The following FHIT variants were observed in gnomAD, a reference collection of about 807,000 sequenced individuals.
FHIT encodes bis(5'-adenosyl)-triphosphatase.
A neutral mutation model predicts 17.9 loss-of-function variants in FHIT; 19 were observed. That is an observed-to-expected ratio of 1.06 (90% confidence interval 0.74 to 1.56). The LOEUF (loss-of-function observed/expected upper bound fraction) is 1.56. Among genes scored for constraint, FHIT ranks in the 40% most tolerant of loss-of-function variants. FHIT has a pLI of 0.00. For missense variants in FHIT, 248 were observed against 189.2 expected, an observed-to-expected ratio of 1.31 and a Z score of -1.82; for synonymous variants, 81 against 69.7, an observed-to-expected ratio of 1.16 and a Z score of -0.81.
intron 4 of FHIT, among the ~76,000 whole-genome samples, chr3:60,541,701 C>T (rs547787077): frequency 2.0e-5 from 3 of 152,278 alleles, no homozygotes; most frequent in East Asian, 1.9e-4. Flanking sequence ...GAAACAGCTA[C>T]GAGTTTTCCT....
Position 61,058,047 on chromosome 3 carries a change from T to A in FHIT, c.-163-15948A>T, listed in dbSNP as rs185119498. Among the ~76,000 whole-genome samples, 769 of 151,744 alleles carry A rather than the reference T, an allele frequency of 5.1e-3. 10 individuals are homozygous for A. The highest frequency in any genetic ancestry group is 0.017 in the African/African-American group (711 of 41,388). ...CTCTGAGACCTAGCAAGTTCTTTAA[T>A]ATCACAGAAAAAAAAAAGACAAAAC... On this transcript the variant is annotated intron_variant, in intron 2 of 9. Coordinates refer to ENST00000492590, the MANE Select transcript of FHIT (RefSeq NM_002012.4).
chr3:60,296,554 G>A (rs1459441392), intron 5 of FHIT, among the ~76,000 whole-genome samples: 1 of 151,974 alleles, frequency 6.6e-6, no homozygotes, highest in East Asian at 1.9e-4. Flanking sequence ...TTAGATAATA[G>A]CCCTGTTTTG....
At chr3:60,061,566 A>G (rs1702296838) in intron 5 of FHIT, among the ~76,000 whole-genome samples, 2 of 152,226 alleles carry the variant, frequency 1.3e-5, no homozygotes, top group Non-Finnish European at 1.5e-5. Context: ...TAATTATAGC[A>G]AATAAAATAT....
chr3:60,565,210 C>T (rs2037089564), intron 4 of FHIT, among the ~76,000 whole-genome samples: 1 of 152,070 alleles, frequency 6.6e-6, no homozygotes, highest in Admixed American at 6.6e-5. Context: ...CTTGTATATG[C>T]ATTGGGAAAC....
At chr3:61,177,051 C>T (rs1416087080) in intron 2 of FHIT, among the ~76,000 whole-genome samples, 1 of 152,070 alleles carries the variant, frequency 6.6e-6, no homozygotes, top group Non-Finnish European at 1.5e-5. Flanking sequence ...GCGGCGGGCG[C>T]CTGTAGTCCC....
chr3:60,361,802 A>C (rs989265223), intron 5 of FHIT, among the ~76,000 whole-genome samples: 1 of 152,192 alleles, frequency 6.6e-6, no homozygotes, highest in Admixed American at 6.5e-5. Context: ...CAAACACCAA[A>C]GGGCAATAGT....
intron 5 of FHIT, among the ~76,000 whole-genome samples, chr3:60,411,382 GA>G (rs1254818293): frequency 4.6e-5 from 7 of 151,982 alleles, no homozygotes; most frequent in Non-Finnish European, 1.0e-4. Context: ...TACTTGAGTA[GA>G]AAAATAATCC....
intron 5 of FHIT, among the ~76,000 whole-genome samples, chr3:60,187,072 G>T (rs536194265): frequency 1.3e-5 from 2 of 152,096 alleles, no homozygotes; most frequent in African/African-American, 4.8e-5. Context: ...CCAAGACAAG[G>T]TCAAAGCAAC....
intron 5 of FHIT, among the ~76,000 whole-genome samples, chr3:60,122,802 T>C (rs1421892143): frequency 6.6e-6 from 1 of 152,212 alleles, no homozygotes; most frequent in African/African-American, 2.4e-5. Context: ...GAAGAATAAA[T>C]GTTAGTTAAA....
intron 2 of FHIT, among the ~76,000 whole-genome samples, chr3:61,125,996 G>A (rs1349645848): frequency 6.6e-6 from 1 of 152,132 alleles, no homozygotes. Context: ...AGGGTATTAA[G>A]TAAGTGACCA....
At chr3:61,198,135 A>G (rs995913037) in intron 2 of FHIT, among the ~76,000 whole-genome samples, 11 of 152,180 alleles carry the variant, frequency 7.2e-5, no homozygotes, top group African/African-American at 1.9e-4. Context: ...TATACTATCA[A>G]TGAGGGTTCT....
At chr3:61,239,551 T>C (rs2040316579) in intron 1 of FHIT, among the ~76,000 whole-genome samples, 1 of 152,018 alleles carries the variant, frequency 6.6e-6, no homozygotes, top group African/African-American at 2.4e-5. Flanking sequence ...CCTCTTTCTA[T>C]CACAGTATCT....
At chr3:60,239,838 G>T (rs964351697) in intron 5 of FHIT, among the ~76,000 whole-genome samples, 3 of 152,042 alleles carry the variant, frequency 2.0e-5, no homozygotes, top group African/African-American at 7.2e-5. Context: ...ACCCAAGAAG[G>T]GAAGTCAAAT....
rs115237312 is a variant in FHIT at position 60,726,490 on chromosome 3, T to A, written c.-18+95429A>T. ...AGAGCAACTTGATCTTGGGAGTGTT[T>A]TCCCAGATGGGTAGTGGGCTGAGTC... is the stretch of plus-strand genomic sequence containing the variant. On this transcript the variant is annotated intron_variant, in intron 4 of 9. Transcript: ENST00000492590. 2.2e-3 allele frequency among the ~76,000 whole-genome samples: 339 copies of A among 152,290 alleles called. 1 individual carries two copies. Among genetic ancestry groups the A allele is most frequent in the African/African-American group, 7.8e-3 (325 of 41,568 alleles).
intron 2 of FHIT, among the ~76,000 whole-genome samples, chr3:61,077,368 T>A (rs2035001867): frequency 6.6e-6 from 1 of 151,874 alleles, no homozygotes; most frequent in South Asian, 2.1e-4. Context: ...TCAAGCATAC[T>A]TAGAGCACAG....
chr3:60,455,044 AAT>A (rs2032001491), intron 5 of FHIT, among the ~76,000 whole-genome samples: 1 of 152,096 alleles, frequency 6.6e-6, no homozygotes, highest in Admixed American at 6.5e-5. Flanking sequence ...GTACCTTGAG[AAT>A]ATATATATTT....
chr3:60,568,454 T>C (rs910717664), intron 4 of FHIT, among the ~76,000 whole-genome samples: 19 of 147,616 alleles, frequency 1.3e-4, no homozygotes, highest in African/African-American at 4.4e-4. Flanking sequence ...CCAGGGCCTG[T>C]TGTGGGGTGG....
chr3:60,483,524 A>T (rs1356269984), intron 5 of FHIT, among the ~76,000 whole-genome samples: 3 of 152,212 alleles, frequency 2.0e-5, no homozygotes, highest in Non-Finnish European at 2.9e-5. Context: ...GTGGTTCAAC[A>T]TACGCAACTC....
intron 5 of FHIT, among the ~76,000 whole-genome samples, chr3:60,102,989 G>A (rs888411167): frequency 8.5e-5 from 13 of 152,088 alleles, no homozygotes; most frequent in Non-Finnish European, 1.5e-4. Context: ...TTTTCTTTCT[G>A]AGCACATGTG....
Sources: gnomAD v4.1 joint callset for allele counts (sites outside exome capture counted in the v4.1 genomes callset) on GRCh38, gnomAD v4.1.1 for gene constraint, MANE v1.5 for transcripts, NCBI Gene and HGNC (gene_info 2026-07-23, HGNC 2026-07-21) for gene names.